ANTXRL: variants seen among roughly 807,000 people sequenced by gnomAD.
ANTXRL encodes the protein anthrax toxin receptor-like.
In ANTXRL, 63 loss-of-function variants were observed where a neutral mutation model predicts 75.4. That is an observed-to-expected ratio of 0.84 (90% CI 0.68 to 1.03). The LOEUF is 1.03. Among genes scored for constraint, ANTXRL ranks in the 50% least tolerant of loss-of-function variants. The pLI is 0.00. For synonymous variants in ANTXRL, 335 were observed against 291.3 expected (o/e 1.15, Z -1.53); for missense variants, 797 against 789.4 (o/e 1.01, Z -0.12).
At chr10:46,323,203 T>G (rs1445129113) in intron 16 of ANTXRL, among the ~76,000 whole-genome samples, 3 of 152,162 alleles carry the variant, frequency 2.0e-5, no homozygotes, top group Non-Finnish European at 4.4e-5. Context: ...GAGGAAGAAT[T>G]CCCTCCTCTA....
intron 16 of ANTXRL, among the ~76,000 whole-genome samples, chr10:46,324,870 C>T (rs1223231818): frequency 1.3e-5 from 2 of 152,096 alleles, no homozygotes; most frequent in South Asian, 2.1e-4. Context: ...TCTGAAAGTC[C>T]TACCCTGGCA....
Position 46,329,639 on chromosome 10 carries a change from C to T in ANTXRL, c.1451C>T (p.Ala484Val), listed in dbSNP as rs1285374211. Residue 484 changes from alanine (A) to valine (V), a missense_variant, in exon 17 of 17, where the codon GCA becomes GTA. Around this residue, in one of 3 missense-constraint regions of ANTXRL, gnomAD observed 479 missense variants for 422.0 expected, o/e 1.14. Transcript: ENST00000620264. ...TTAGCCCTTGCACAGTCCCAATATG[C>T]ACAGGCTCCCTGCTGCCCAAGGATC... Reference protein sequence around the residue: ...LSLALAQSQYAQAPCCPRICF... With the variant: ...LSLALAQSQYVQAPCCPRICF... The T allele has an allele frequency of 5.2e-6, 8 of 1,536,336 alleles. No homozygotes were observed. Among genetic ancestry groups the T allele is most frequent in the Non-Finnish European group, 7.0e-6 (8 of 1,146,834 alleles).
At chr10:46,289,507 C>T (rs187026448) in intron 1 of ANTXRL, among the ~76,000 whole-genome samples, 5 of 152,126 alleles carry the variant, frequency 3.3e-5, no homozygotes, top group African/African-American at 4.8e-5. Context: ...GCAAGAGGAT[C>T]GCTTGAGTCT....
chr10:46,294,466 C>T (rs1837245827), intron 3 of ANTXRL, among the ~76,000 whole-genome samples: 2 of 152,038 alleles, frequency 1.3e-5, no homozygotes, highest in South Asian at 4.1e-4. Flanking sequence ...AGCCCAGGCC[C>T]AGCAGGGAGC....
At chr10:46,311,077 C>A (rs576331589) in intron 14 of ANTXRL, among the ~76,000 whole-genome samples, 1 of 152,204 alleles carries the variant, frequency 6.6e-6, no homozygotes, top group African/African-American at 2.4e-5. Context: ...CGGGGACCCA[C>A]CCCAGGGGCC....
chr10:46,299,695 G>C (rs1303251690), intron 9 of ANTXRL, among the ~76,000 whole-genome samples: 1 of 152,160 alleles, frequency 6.6e-6, no homozygotes, highest in Non-Finnish European at 1.5e-5. Flanking sequence ...ATGGGCACAC[G>C]ACCAGGAGCA....
chr10:46,311,541 C>T lies in ANTXRL; in HGVS notation c.1205C>T (p.Pro402Leu), dbSNP rs879960719. ...GAGCAGGAAAAACCACCATCACCAC[C>T]ACCACCGCCTCCGCCTCCACCACCT... ...EPEQEKPPSP[P>L]PPPPPPPPPL... Residue 402 changes from proline (P) to leucine (L), a missense_variant, in exon 15 of 17, where the codon CCA (proline) becomes CTA (leucine). By Grantham distance (98) the Pro-to-Leu change is moderately conservative. Coordinates refer to ENST00000620264, the MANE Select transcript of ANTXRL (RefSeq NM_001278688.3). The T allele has an allele frequency of 6.5e-7, 1 of 1,534,694 alleles. No homozygotes were observed. The highest frequency in any genetic ancestry group is 8.7e-7 in the Non-Finnish European group (1 of 1,146,062).
rs374100434 is a variant in ANTXRL at position 46,293,555 on chromosome 10, G to GTGTGTGCC, written c.321-274_321-273insTGTGTGCC. ...TGTGCATGTGTGTGCATATGTGTGT[G>GTGTGTGCC]AGTGTGTGCCTGTGTGTGCGCGTGT... On this transcript the variant is annotated intron_variant, in intron 2 of 16. Coordinates refer to ENST00000620264, the MANE Select transcript of ANTXRL (RefSeq NM_001278688.3). Among the ~76,000 whole-genome samples the GTGTGTGCC allele has an allele frequency of 7.4e-3, 406 of 54,846 alleles. 3 individuals carry two copies. The highest frequency in any genetic ancestry group is 0.027 in the African/African-American group (390 of 14,190). 36.0% of individuals were successfully genotyped at this position (54,846 alleles called of 152,430 possible).
chr10:46,286,152 G>A (rs1478514829), upstream of ANTXRL, among the ~76,000 whole-genome samples: 1 of 152,074 alleles, frequency 6.6e-6, no homozygotes, highest in Non-Finnish European at 1.5e-5. Context: ...CCTAGAGAGG[G>A]GGCCTGTGTT....
At chr10:46,297,202 G>T in intron 5 of ANTXRL, 50 bp from the exon 6 acceptor site, 5 of 1,466,778 alleles carry the variant, frequency 3.4e-6, no homozygotes, top group Non-Finnish European at 4.6e-6. Flanking sequence ...GCTTCTGGAG[G>T]TCACTCCTGG....
intron 1 of ANTXRL, among the ~76,000 whole-genome samples, chr10:46,291,448 C>T (rs1423495917): frequency 6.7e-6 from 1 of 149,172 alleles, no homozygotes; most frequent in African/African-American, 2.5e-5. Context: ...AAATCTAGTG[C>T]AAATTTTTTT....
intron 16 of ANTXRL, among the ~76,000 whole-genome samples, chr10:46,317,583 C>T (rs1554964918): frequency 6.6e-6 from 1 of 152,108 alleles, no homozygotes; most frequent in Non-Finnish European, 1.5e-5. Flanking sequence ...TCCAACTGTC[C>T]AGGAATCCCA....
At chr10:46,305,956 C>G (rs1444085915) in intron 10 of ANTXRL, among the ~76,000 whole-genome samples, 4 of 152,172 alleles carry the variant, frequency 2.6e-5, no homozygotes, top group African/African-American at 7.2e-5. Context: ...CTGTTGCCTC[C>G]ATGTGCAAAA....
chr10:46,301,888 T>A (rs1588822251), intron 9 of ANTXRL, among the ~76,000 whole-genome samples: 1 of 151,992 alleles, frequency 6.6e-6, no homozygotes, highest in Non-Finnish European at 1.5e-5. Context: ...GAGGCAGGGG[T>A]GGAGGCCAAT....
intron 10 of ANTXRL, among the ~76,000 whole-genome samples, chr10:46,303,851 A>T (rs1374753646): frequency 1.3e-5 from 2 of 152,020 alleles, no homozygotes; most frequent in Non-Finnish European, 2.9e-5. Flanking sequence ...GTGCAGTTGG[A>T]TTTTTGCATC....
chr10:46,307,773 A>C (rs1838181029), intron 12 of ANTXRL, among the ~76,000 whole-genome samples: 1 of 152,096 alleles, frequency 6.6e-6, no homozygotes. Context: ...CTGGTGCCCC[A>C]GCTACTGATC....
upstream of ANTXRL, among the ~76,000 whole-genome samples, chr10:46,286,755 A>C (rs1250142065): frequency 1.3e-5 from 2 of 152,136 alleles, no homozygotes; most frequent in African/African-American, 4.8e-5. Context: ...CTGGCCTCCC[A>C]GTCCTTGACC....
chr10:46,313,792 T>C (rs1473814449), intron 16 of ANTXRL, among the ~76,000 whole-genome samples: 1 of 152,190 alleles, frequency 6.6e-6, no homozygotes, highest in East Asian at 1.9e-4. Flanking sequence ...ACTGTACCAG[T>C]AGGTGCTATT....
At chr10:46,299,626 G>T (rs1837596905) in intron 9 of ANTXRL, among the ~76,000 whole-genome samples, 2 of 152,170 alleles carry the variant, frequency 1.3e-5, no homozygotes, top group African/African-American at 2.4e-5. Context: ...TCACTGCAGG[G>T]TGTCCTGGCG....
Sources: gnomAD v4.1 joint callset for allele counts (sites outside exome capture counted in the v4.1 genomes callset) on GRCh38, gnomAD v4.1.1 for gene constraint, gnomAD v4.1.1 regional missense constraint, MANE v1.5 for transcripts, NCBI Gene and HGNC (gene_info 2026-07-23, HGNC 2026-07-21) for gene names.